Variants in MARCHF10 observed in about 807,000 individuals in gnomAD.
MARCHF10 encodes the protein probable E3 ubiquitin-protein ligase MARCHF10.
Under a neutral mutation model 76.2 loss-of-function variants are expected in MARCHF10, and 64 were observed. The observed-to-expected ratio is 0.84, with a 90% CI of 0.69 to 1.03. The LOEUF is 1.03. MARCHF10 is among the 50% of genes least tolerant of loss of function. The pLI is 0.00. For synonymous variants in MARCHF10, 340 were observed against 357.5 expected (o/e 0.95, Z 0.55); for missense variants, 875 against 958.0 (o/e 0.91, Z 1.14).
At chr17:62,761,729 T>G (rs1267477101) in intron 3 of MARCHF10, among the ~76,000 whole-genome samples, 2 of 152,162 alleles carry the variant, frequency 1.3e-5, no homozygotes, top group Non-Finnish European at 2.9e-5. Flanking sequence ...GCTAAAACAT[T>G]AGGTCATTTC....
At chr17:62,749,016 G>T (rs2091805442) in intron 4 of MARCHF10, among the ~76,000 whole-genome samples, 1 of 152,152 alleles carries the variant, frequency 6.6e-6, no homozygotes, top group Non-Finnish European at 1.5e-5. Flanking sequence ...GTTTATCAAT[G>T]AATTTTGGGA....
intron 3 of MARCHF10, among the ~76,000 whole-genome samples, chr17:62,782,472 C>G (rs944346792): frequency 6.6e-6 from 1 of 151,698 alleles, no homozygotes; most frequent in Non-Finnish European, 1.5e-5. Flanking sequence ...CTCAGCCTCC[C>G]AAGTAGCTGG....
At chr17:62,737,643 T>A (rs2091333712) in intron 5 of MARCHF10, 2 of 327,162 alleles carry the variant, frequency 6.1e-6, no homozygotes. Flanking sequence ...TGCGCAAACC[T>A]CACACTAAAT....
intron 3 of MARCHF10, among the ~76,000 whole-genome samples, chr17:62,776,000 G>A (rs1411549526): frequency 6.6e-6 from 1 of 151,894 alleles, no homozygotes; most frequent in Non-Finnish European, 1.5e-5. Flanking sequence ...GTGTTGCTGT[G>A]TTGCCCAGAC....
At chr17:62,740,388 A>G (rs1337935139) in intron 5 of MARCHF10, among the ~76,000 whole-genome samples, 1 of 152,056 alleles carries the variant, frequency 6.6e-6, no homozygotes, top group African/African-American at 2.4e-5. Context: ...TATGCCTTCG[A>G]CTTCTTGGTG....
intron 1 of MARCHF10, among the ~76,000 whole-genome samples, chr17:62,804,196 G>A (rs1252858820): frequency 6.6e-6 from 1 of 152,202 alleles, no homozygotes; most frequent in East Asian, 1.9e-4. Flanking sequence ...AGAAAACACA[G>A]GAGGAGCTGC....
chr17:62,744,474 A>T lies in MARCHF10; in HGVS notation c.437T>A (p.Phe146Tyr). Residue 146 changes from phenylalanine (F) to tyrosine (Y), a missense_variant, in exon 5 of 11, where the codon TTT becomes TAT. Coordinates refer to ENST00000311269, the MANE Select transcript of MARCHF10 (RefSeq NM_152598.4). ...GCTGTGCGATTCTGGGCTGACTGTA[A>T]ATCTCCTCAGGTTTGGCTTCCTCTT... ...LRKRKPNLRR[F>Y]TVSPESHSPR... 6.2e-7 allele frequency: 1 copy of T among 1,614,108 alleles called. No homozygotes were observed. The highest frequency in any genetic ancestry group is 2.2e-5 in the East Asian group (1 of 44,880).
At chr17:62,741,479 T>C (rs1430716016) in intron 5 of MARCHF10, among the ~76,000 whole-genome samples, 1 of 152,210 alleles carries the variant, frequency 6.6e-6, no homozygotes, top group East Asian at 1.9e-4. Flanking sequence ...CAGCAATCCA[T>C]GTCAGTAGCA....
chr17:62,788,790 G>A (rs972974813), intron 2 of MARCHF10, among the ~76,000 whole-genome samples, 191 bp from the exon 3 acceptor site: 21 of 151,660 alleles, frequency 1.4e-4, no homozygotes, highest in African/African-American at 3.4e-4. Context: ...CAGGCCGGGC[G>A]CGGTGGCTCA....
At chr17:62,804,449 G>GA (rs2093130911) in intron 1 of MARCHF10, among the ~76,000 whole-genome samples, 1 of 151,794 alleles carries the variant, frequency 6.6e-6, no homozygotes, top group South Asian at 2.1e-4. Flanking sequence ...AAACTCTGCG[G>GA]AAAAAAAAGA....
At chr17:62,762,907 T>G (rs1286519806) in intron 3 of MARCHF10, among the ~76,000 whole-genome samples, 1 of 152,172 alleles carries the variant, frequency 6.6e-6, no homozygotes, top group East Asian at 1.9e-4. Context: ...GTGGGAGAAG[T>G]TGTAGTAAAT....
At chr17:62,769,803 A>G (rs998600456) in intron 3 of MARCHF10, among the ~76,000 whole-genome samples, 1 of 152,024 alleles carries the variant, frequency 6.6e-6, no homozygotes, top group African/African-American at 2.4e-5. Context: ...TCTTTTTATT[A>G]TCATTGCATT....
intron 10 of MARCHF10, among the ~76,000 whole-genome samples, chr17:62,702,178 A>C (rs957557712): frequency 4.6e-5 from 7 of 151,018 alleles, no homozygotes; most frequent in Non-Finnish European, 8.8e-5. Context: ...CTGGATGCAG[A>C]GGGACAAGTG....
At chr17:62,705,063 T>G (rs2089492795) in intron 10 of MARCHF10, 2 of 1,020,834 alleles carry the variant, frequency 2.0e-6, no homozygotes, top group Admixed American at 5.8e-5. Context: ...TTTGCTTTGT[T>G]CAACCTCTGA....
intron 3 of MARCHF10, among the ~76,000 whole-genome samples, chr17:62,783,428 G>C: frequency 6.6e-6 from 1 of 151,944 alleles, no homozygotes; most frequent in East Asian, 1.9e-4. Context: ...AAGCAGGAAA[G>C]ATCTAAAATC....
At chr17:62,743,588 A>C (rs2091595009) in intron 5 of MARCHF10, among the ~76,000 whole-genome samples, 1 of 152,164 alleles carries the variant, frequency 6.6e-6, no homozygotes, top group African/African-American at 2.4e-5. Flanking sequence ...GGTTGCAGTG[A>C]GTCGAGCTGG....
At position 62,725,662 on chromosome 17, in the gene MARCHF10, G is replaced by A. The variant is rs183232699; in HGVS notation, c.1938-558C>T. On this transcript the variant is annotated intron_variant, in intron 6 of 10. Coordinates refer to ENST00000311269, the MANE Select transcript of MARCHF10 (RefSeq NM_152598.4). ...GCCACCATAAATCAAGAGGTAAAGGGAAATGGCTACAGAATCATTTTCAAA... is the reference window on the plus strand; with the variant it reads ...GCCACCATAAATCAAGAGGTAAAGGAAAATGGCTACAGAATCATTTTCAAA... Among the ~76,000 whole-genome samples the A allele has an allele frequency of 4.6e-5, 7 of 152,330 alleles. No homozygotes were observed. The East Asian group carries it at 1.3e-3, about 29-fold the overall frequency.
At chr17:62,793,752 ACCT>A (rs1470493015) in intron 2 of MARCHF10, among the ~76,000 whole-genome samples, 1 of 139,248 alleles carries the variant, frequency 7.2e-6, no homozygotes. Flanking sequence ...AACCACCACC[ACCT>A]CCATCACCAC....
chr17:62,781,796 T>C (rs1452841053), intron 3 of MARCHF10, among the ~76,000 whole-genome samples: 1 of 152,208 alleles, frequency 6.6e-6, no homozygotes, highest in East Asian at 1.9e-4. Context: ...AATTGGAGTC[T>C]GGGTTAAGGA....
Sources: allele counts gnomAD v4.1 joint callset (sites outside exome capture counted in the v4.1 genomes callset), GRCh38; gene constraint gnomAD v4.1.1; transcripts MANE v1.5; gene names NCBI Gene and HGNC (gene_info 2026-07-23, HGNC 2026-07-21).